OSBPL5: variants seen among roughly 807,000 people sequenced by gnomAD.
OSBPL5 encodes the protein oxysterol binding protein like 5, also known as oxysterol-binding protein-related protein 5.
Under a neutral mutation model 111.2 loss-of-function variants are expected in OSBPL5, and 71 were observed. That is an observed-to-expected ratio of 0.64 (90% CI 0.53 to 0.78). The LOEUF (loss-of-function observed/expected upper bound fraction) is 0.78. Ranked by LOEUF, OSBPL5 falls within the 30% of genes least tolerant of loss-of-function variation. The probability of loss-of-function intolerance (pLI) is 0.00; values close to 1 mark genes in which losing one functional copy is unlikely to be tolerated. For missense variants in OSBPL5, 1,210 were observed against 1,189.3 expected, an observed-to-expected ratio of 1.02 and a Z score of -0.26; for synonymous variants, 549 against 513.9, an observed-to-expected ratio of 1.07 and a Z score of -0.93.
intron 1 of OSBPL5, among the ~76,000 whole-genome samples, chr11:3,134,647 G>T (rs1218144894): frequency 6.6e-6 from 1 of 152,268 alleles, no homozygotes. Flanking sequence ...GGAACACTTT[G>T]GACTTGGGTT....
chr11:3,163,096 AC>A (rs1349394660), intron 1 of OSBPL5, among the ~76,000 whole-genome samples: 1 of 149,826 alleles, frequency 6.7e-6, no homozygotes, highest in African/African-American at 2.5e-5. Context: ...CCCCTCTACA[AC>A]CCCCTGTCCC....
chr11:3,136,783 C>T lies in OSBPL5; in HGVS notation c.-21-7614G>A, dbSNP rs916519238. ...AGCCCAGAGTGACAGGGCTGGGCCGCGCTGCATGGGGGCAGAGAGGAGGCT... is the reference window on the plus strand; with the variant it reads ...AGCCCAGAGTGACAGGGCTGGGCCGTGCTGCATGGGGGCAGAGAGGAGGCT... On this transcript the variant is annotated intron_variant, in intron 1 of 21. Transcript: ENST00000263650. 3.3e-5 allele frequency among the ~76,000 whole-genome samples: 5 copies of T among 152,332 alleles called. No homozygotes were observed. In the East Asian group the frequency reaches 7.7e-4, roughly 23 times the overall value.
intron 21 of OSBPL5, among the ~76,000 whole-genome samples, chr11:3,088,940 G>A (rs927561611): frequency 6.6e-6 from 1 of 152,118 alleles, no homozygotes; most frequent in Non-Finnish European, 1.5e-5. Flanking sequence ...GCCCCTTGCC[G>A]GCAGTACTCT....
At chr11:3,101,858 G>A (rs998951823) in intron 12 of OSBPL5, among the ~76,000 whole-genome samples, 159 bp from the exon 13 acceptor site, 1 of 152,260 alleles carries the variant, frequency 6.6e-6, no homozygotes, top group Admixed American at 6.5e-5. Flanking sequence ...TCTCGCTTAC[G>A]ACGCCCAGGG....
At position 3,089,934 on chromosome 11, in the gene OSBPL5, A is replaced by G. The variant is rs1857000971; in HGVS notation, c.2413T>C (p.Cys805Arg). Reference sequence around the variant, plus strand: ...CGCGCCTCCTTCCTGCACCGAGGGCATGGGCTCTCACCGCCTGGGACGGCC... The same window carrying G: ...CGCGCCTCCTTCCTGCACCGAGGGCGTGGGCTCTCACCGCCTGGGACGGCC... Reference protein sequence around the residue: ...GDFVPGGESPCPRCRKEARRL... With the variant: ...GDFVPGGESPRPRCRKEARRL... Residue 805 changes from cysteine (C) to arginine (R), a missense_variant, in exon 21 of 22, where the codon TGC (cysteine) becomes CGC (arginine). Physicochemically the swap from Cys to Arg is radical, Grantham distance 180 (BLOSUM62 -3). Transcript: ENST00000263650. 1.9e-6 allele frequency: 3 copies of G among 1,555,558 alleles called. No homozygotes were observed. The highest frequency in any genetic ancestry group is 2.4e-5 in the South Asian group (2 of 84,402).
chr11:3,133,490 G>C (rs1845867124), intron 1 of OSBPL5, among the ~76,000 whole-genome samples: 1 of 152,246 alleles, frequency 6.6e-6, no homozygotes, highest in African/African-American at 2.4e-5. Context: ...TTTAGGCCCA[G>C]CCCTCAGGAT....
At chr11:3,119,010 G>GTTT (rs57566057) in intron 7 of OSBPL5, among the ~76,000 whole-genome samples, 9 of 146,644 alleles carry the variant, frequency 6.1e-5, no homozygotes, top group African/African-American at 1.2e-4. Context: ...GTGACAGGTG[G>GTTT]TTTTTTTTTT....
In OSBPL5 at chr11:3,146,958, G is replaced by A. The variant is rs779218979; in HGVS notation, c.-21-17789C>T. Reference sequence around the variant, plus strand: ...GAGGTGGCTCAGCTGAGGGCACGGGGGCCTTGGCAGCTGTCACGACCCTCC... The same window carrying A: ...GAGGTGGCTCAGCTGAGGGCACGGGAGCCTTGGCAGCTGTCACGACCCTCC... On this transcript the variant is annotated intron_variant, in intron 1 of 21. Transcript: ENST00000263650. This position sits in a 1 kb window ranked among gnomAD's most constrained non-coding sequence, Gnocchi z 7.8. 6.6e-6 allele frequency among the ~76,000 whole-genome samples: 1 copy of A among 152,156 alleles called. No homozygotes were observed. The highest frequency in any genetic ancestry group is 2.1e-4 in the South Asian group (1 of 4,822).
chr11:3,091,369 G>A (rs576145501), intron 19 of OSBPL5, among the ~76,000 whole-genome samples: 355 of 152,300 alleles, frequency 2.3e-3, no homozygotes, highest in Non-Finnish European at 4.1e-3. Context: ...GTCAGCGACG[G>A]GGCAGGTGGG....
chr11:3,118,557 G>A (rs1267646154), intron 7 of OSBPL5, among the ~76,000 whole-genome samples: 1 of 147,478 alleles, frequency 6.8e-6, no homozygotes, highest in Non-Finnish European at 1.5e-5. Flanking sequence ...CCTCAACCTT[G>A]GCAAAATAAA....
Position 3,092,458 on chromosome 11 carries a change from G to T in OSBPL5, c.2233C>A (p.Leu745Met). ...TCGTGCCTGGGCCCTGGGCTGCCCA[G>T]GAAGGTGGTCTGGCGGGCCACGGCC... Reference protein sequence around the residue: ...QEAVARQTTFLGSPGPRHERS... With the variant: ...QEAVARQTTFMGSPGPRHERS... The change falls in exon 19 of 22, where the codon CTG becomes ATG. Residue 745 changes from leucine to methionine, a missense_variant. Coordinates refer to ENST00000263650, the MANE Select transcript of OSBPL5 (RefSeq NM_020896.4). The surrounding 1 kb of genome is among the most constrained non-coding windows in gnomAD (Gnocchi z 5.4). 1.9e-6 allele frequency: 3 copies of T among 1,580,596 alleles called. No homozygotes were observed. Among genetic ancestry groups the T allele is most frequent in the Non-Finnish European group, 2.6e-6 (3 of 1,163,708 alleles).
At chr11:3,155,042 T>C (rs933844118) in intron 1 of OSBPL5, among the ~76,000 whole-genome samples, 5 of 152,186 alleles carry the variant, frequency 3.3e-5, no homozygotes, top group Non-Finnish European at 7.3e-5. Context: ...GGGATGACCC[T>C]GCAAGGACAC....
At chr11:3,117,621 C>T (rs1263051619) in intron 7 of OSBPL5, among the ~76,000 whole-genome samples, 1 of 152,172 alleles carries the variant, frequency 6.6e-6, no homozygotes, top group Non-Finnish European at 1.5e-5. Context: ...AACTATAGTA[C>T]AGCTGTTGTT....
chr11:3,151,021 G>C (rs1846565752), intron 1 of OSBPL5, among the ~76,000 whole-genome samples: 1 of 152,162 alleles, frequency 6.6e-6, no homozygotes, highest in South Asian at 2.1e-4. Flanking sequence ...ACCTTGGAAA[G>C]AGGGTCACTG....
rs1026486011 is a variant in OSBPL5 at position 3,087,896 on chromosome 11, A to G, written c.*309T>C. 6 of 234,336 alleles carry G rather than the reference A, an allele frequency of 2.6e-5. No individual in the cohort carries two copies. The highest frequency in any genetic ancestry group is 1.1e-4 in the Admixed American group (2 of 17,418). The allele number at this position is 234,336 out of a possible 1,614,324, so 14.5% of individuals were successfully genotyped here. On this transcript the variant is annotated 3_prime_UTR_variant, in exon 22 of 22. Transcript: ENST00000263650. ...CTAAATCCATCCATCCCCCATGGCA[A>G]GTGGAGGCCGGACAGGGGGTGACAC...
chr11:3,129,743 C>G (rs544455121), intron 1 of OSBPL5, among the ~76,000 whole-genome samples: 8 of 152,332 alleles, frequency 5.3e-5, no homozygotes, highest in Non-Finnish European at 1.0e-4. Flanking sequence ...GGTGCCCCAA[C>G]AGTTTCAGTT....
chr11:3,090,752 C>A, intron 19 of OSBPL5, 56 bp from the exon 20 acceptor site: 1 of 1,542,506 alleles, frequency 6.5e-7, no homozygotes. Context: ...CTGCCCAGGC[C>A]CCAGGGACAT....
Position 3,140,394 on chromosome 11 carries a change from C to T in OSBPL5, c.-21-11225G>A, listed in dbSNP as rs1442730462. ...CTCACAGCCAAGCTAGGACACCCTT[C>T]CCAGGGCCAAGGCAGCCCAGGAAAA... On this transcript the variant is annotated intron_variant, in intron 1 of 21. Coordinates refer to ENST00000263650, the MANE Select transcript of OSBPL5 (RefSeq NM_020896.4). This position sits in a 1 kb window ranked among gnomAD's most constrained non-coding sequence, Gnocchi z 4.5. Among the ~76,000 whole-genome samples the T allele has an allele frequency of 1.3e-5, 2 of 152,150 alleles. No homozygotes were observed. Among genetic ancestry groups the T allele is most frequent in the African/African-American group, 4.8e-5 (2 of 41,422 alleles).
Position 3,130,885 on chromosome 11 carries a change from G to A in OSBPL5, c.-21-1716C>T, listed in dbSNP as rs1342859728. On this transcript the variant is annotated intron_variant, in intron 1 of 21. Transcript: ENST00000263650. This position sits in a 1 kb window ranked among gnomAD's most constrained non-coding sequence, Gnocchi z 4.5. ...GTGCAGCTCAGGATGGGAACCAGCA[G>A]CTGAGCGGAGGCCGGGCTTACTCAG... 3.9e-5 allele frequency among the ~76,000 whole-genome samples: 6 copies of A among 152,148 alleles called. No individual in the cohort carries two copies. Among genetic ancestry groups the A allele is most frequent in the Non-Finnish European group, 8.8e-5 (6 of 68,020 alleles).
Sources: gnomAD v4.1 joint callset for allele counts (sites outside exome capture counted in the v4.1 genomes callset) on GRCh38, gnomAD v4.1.1 for gene constraint, Gnocchi (gnomAD v3.1) non-coding constraint, MANE v1.5 for transcripts, NCBI Gene and HGNC (gene_info 2026-07-23, HGNC 2026-07-21) for gene names.